The following SPRED2 variants were observed in gnomAD, a reference collection of about 807,000 sequenced individuals.
SPRED2 encodes the protein sprouty related EVH1 domain containing 2.
Under a neutral mutation model 43.0 loss-of-function variants are expected in SPRED2, and 47 were observed. The observed-to-expected ratio is 1.09, with a 90% CI of 0.87 to 1.40. The LOEUF (loss-of-function observed/expected upper bound fraction) is 1.40. Ranked by LOEUF, SPRED2 falls within the 40% of genes most tolerant of loss-of-function variation. The probability of loss-of-function intolerance (pLI) is 0.00; values close to 1 mark genes in which losing one functional copy is unlikely to be tolerated. For synonymous variants in SPRED2, 225 were observed against 225.7 expected (o/e 1.00, Z 0.03); for missense variants, 561 against 586.4 (o/e 0.96, Z 0.45).
At chr2:65,335,409 C>T (rs1392351077) in intron 2 of SPRED2, among the ~76,000 whole-genome samples, 1 of 152,192 alleles carries the variant, frequency 6.6e-6, no homozygotes, top group Admixed American at 6.5e-5. Context: ...GAACAATATT[C>T]AAGTTTCTAG....
chr2:65,410,881 A>AC (rs1676142630), intron 1 of SPRED2, among the ~76,000 whole-genome samples: 1 of 152,178 alleles, frequency 6.6e-6, no homozygotes, highest in Non-Finnish European at 1.5e-5. Flanking sequence ...GAAGGAGCCT[A>AC]TTGTACTTGT....
intron 4 of SPRED2, among the ~76,000 whole-genome samples, chr2:65,321,250 C>T (rs1229849284): frequency 6.6e-6 from 1 of 152,112 alleles, no homozygotes; most frequent in Non-Finnish European, 1.5e-5. Context: ...CCATCTGGCC[C>T]CAGCTGACAC....
rs1558659958 is a variant in SPRED2 at position 65,342,166 on chromosome 2, A to ATATATTATGTATGTATATTTTATATACG, written c.204+2525_204+2552dup. On this transcript the variant is annotated intron_variant, in intron 2 of 5. Transcript: ENST00000356388. ...GATTTTATATGTATATTTTATATAC[A>ATATATTATGTATGTATATTTTATATACG]TATATTATGTATGTATATTTTATAT... 7.0e-3 allele frequency among the ~76,000 whole-genome samples: 1,038 copies of ATATATTATGTATGTATATTTTATATACG among 147,464 alleles called. 112 individuals are homozygous for ATATATTATGTATGTATATTTTATATACG. Among genetic ancestry groups the ATATATTATGTATGTATATTTTATATACG allele is most frequent in the African/African-American group, 0.024 (952 of 40,328 alleles).
intron 1 of SPRED2, among the ~76,000 whole-genome samples, chr2:65,386,130 C>G (rs1675492657): frequency 6.6e-6 from 1 of 152,048 alleles, no homozygotes; most frequent in East Asian, 1.9e-4. Context: ...ACTAAAGATA[C>G]AAAAATTAGC....
Position 65,366,767 on chromosome 2 carries a change from A to G in SPRED2, c.27-21871T>C, listed in dbSNP as rs1558671155. 4.3e-6 allele frequency: 6 copies of G among 1,395,216 alleles called. No individual in the cohort carries two copies. In the East Asian group the frequency reaches 1.1e-4, roughly 25 times the overall value. The allele number at this position is 1,395,216 out of a possible 1,614,324, so 86.4% of individuals were successfully genotyped here. Reference sequence around the variant, plus strand: ...TCAGTCTCCTTGACAAATATACTGCATTGTACCGGATGAGTCATCCGAGGG... The same window carrying G: ...TCAGTCTCCTTGACAAATATACTGCGTTGTACCGGATGAGTCATCCGAGGG... On this transcript the variant is annotated intron_variant, in intron 1 of 5. Coordinates refer to ENST00000356388, the MANE Select transcript of SPRED2 (RefSeq NM_181784.3).
intron 1 of SPRED2, among the ~76,000 whole-genome samples, chr2:65,425,515 G>C (rs537635739): frequency 2.2e-4 from 33 of 152,324 alleles, no homozygotes; most frequent in South Asian, 2.1e-3. Context: ...ACATGAGAAA[G>C]GGAAATGGGT....
chr2:65,354,866 A>T (rs753171380), intron 1 of SPRED2, among the ~76,000 whole-genome samples: 3 of 152,198 alleles, frequency 2.0e-5, no homozygotes, highest in Non-Finnish European at 4.4e-5. Context: ...CCAATTTTAG[A>T]AGTAATGTCT....
intron 1 of SPRED2, 116 bp from the exon 2 acceptor site, chr2:65,345,012 T>C: frequency 5.8e-6 from 6 of 1,038,900 alleles, no homozygotes; most frequent in Non-Finnish European, 8.1e-6. Flanking sequence ...TCGAAAGAAA[T>C]CTATGCTTGG....
chr2:65,431,001 C>A (rs71424182), intron 1 of SPRED2, among the ~76,000 whole-genome samples: 18,311 of 152,080 alleles, frequency 0.12, 1,674 homozygotes, highest in Non-Finnish European at 0.17. Context: ...GCACCCGAGA[C>A]TGAAAACGCC....
chr2:65,420,757 G>T (rs566224256), intron 1 of SPRED2, among the ~76,000 whole-genome samples: 4 of 152,136 alleles, frequency 2.6e-5, no homozygotes, highest in Non-Finnish European at 4.4e-5. Context: ...GCTTAGGCAC[G>T]TGGGGATTCC....
intron 1 of SPRED2, among the ~76,000 whole-genome samples, chr2:65,380,849 TC>T (rs1178209834): frequency 4.1e-5 from 1 of 24,152 alleles, no homozygotes; most frequent in Non-Finnish European, 1.6e-4. Flanking sequence ...AACAAAAAAT[TC>T]AAGCCACGAT....
intron 1 of SPRED2, among the ~76,000 whole-genome samples, chr2:65,375,269 C>G (rs919950643): frequency 1.3e-5 from 2 of 152,236 alleles, no homozygotes; most frequent in Non-Finnish European, 2.9e-5. Context: ...ATCACAGGAA[C>G]ATTAACTCTT....
chr2:65,363,000 GTTTTGT>G (rs1418946096), intron 1 of SPRED2, among the ~76,000 whole-genome samples: 6 of 66,984 alleles, frequency 9.0e-5, no homozygotes, highest in African/African-American at 4.2e-4. Context: ...TGGTCATCAT[GTTTTGT>G]TTTTTTTTTT....
chr2:65,314,053 GGGTGCGTGCC>G lies in SPRED2; in HGVS notation c.695_704del (p.Arg232ProfsTer42), dbSNP rs757461307. The G allele has an allele frequency of 6.2e-7, 1 of 1,614,098 alleles. No individual in the cohort carries two copies. Among genetic ancestry groups the G allele is most frequent in the Non-Finnish European group, 8.5e-7 (1 of 1,180,010 alleles). ...AGGGGTCCGGGTACTTGCCCCTGAC[GGGTGCGTGCC>G]GGTAATCCTCGTACCCCGTCATCCA... On this transcript the variant is annotated frameshift_variant, in exon 6 of 6. Coordinates refer to ENST00000356388, the MANE Select transcript of SPRED2 (RefSeq NM_181784.3). LOFTEE classifies it high-confidence loss of function.
chr2:65,411,867 G>A (rs1458978834), intron 1 of SPRED2, among the ~76,000 whole-genome samples: 1 of 152,098 alleles, frequency 6.6e-6, no homozygotes, highest in African/African-American at 2.4e-5. Context: ...GGTGGCTCAC[G>A]CCTGTAATCC....
chr2:65,338,897 G>A lies in SPRED2; in HGVS notation c.205-4124C>T, dbSNP rs556645987. ...CCATCCCATCTAGGAAGTGAGGAGC[G>A]TCTCTGCCCGGCAGCCCATCGTCTG... On this transcript the variant is annotated intron_variant, in intron 2 of 5. Coordinates refer to ENST00000356388, the MANE Select transcript of SPRED2 (RefSeq NM_181784.3). 4.7e-5 allele frequency among the ~76,000 whole-genome samples: 7 copies of A among 149,798 alleles called. No individual in the cohort carries two copies. In the South Asian group the frequency reaches 1.1e-3, roughly 23 times the overall value.
intron 1 of SPRED2, among the ~76,000 whole-genome samples, chr2:65,369,284 T>C (rs558999505): frequency 2.3e-5 from 3 of 128,742 alleles, no homozygotes; most frequent in Non-Finnish European, 3.5e-5. Flanking sequence ...CACACACACA[T>C]ACACACACAC....
downstream of SPRED2, among the ~76,000 whole-genome samples, chr2:65,307,742 C>T (rs956725427): frequency 1.3e-5 from 2 of 152,156 alleles, no homozygotes; most frequent in Non-Finnish European, 2.9e-5. Flanking sequence ...TGGGGCAGGC[C>T]CTGATTTGCA....
At chr2:65,384,591 G>A (rs547297069) in intron 1 of SPRED2, among the ~76,000 whole-genome samples, 1 of 152,296 alleles carries the variant, frequency 6.6e-6, no homozygotes, top group East Asian at 1.9e-4. Context: ...GTGCAGGCCC[G>A]TGAGGCCAGC....
Sources: allele counts gnomAD v4.1 joint callset (sites outside exome capture counted in the v4.1 genomes callset), GRCh38; gene constraint gnomAD v4.1.1; transcripts MANE v1.5; gene names NCBI Gene and HGNC (gene_info 2026-07-23, HGNC 2026-07-21).